The following MAP2K5 variants were observed in gnomAD, a reference collection of about 807,000 sequenced individuals.
The protein encoded by MAP2K5 is dual specificity mitogen-activated protein kinase kinase 5.
Under a neutral mutation model 83.1 loss-of-function variants are expected in MAP2K5, and 49 were observed. The observed-to-expected ratio is 0.59, with a 90% CI of 0.47 to 0.75. The LOEUF is 0.75. MAP2K5 is among the 30% of genes least tolerant of loss of function. The pLI is 0.00. For missense variants in MAP2K5, 457 were observed against 557.5 expected (o/e 0.82, Z 1.82); for synonymous variants, 202 against 191.8 (o/e 1.05, Z -0.44).
chr15:67,751,237 A>T (rs1437344299), intron 19 of MAP2K5, among the ~76,000 whole-genome samples: 1 of 152,136 alleles, frequency 6.6e-6, no homozygotes, highest in Non-Finnish European at 1.5e-5. Context: ...AACTCAGACC[A>T]CAGATCAGGA....
chr15:67,757,493 A>G lies in MAP2K5; in HGVS notation c.1134+8892A>G, dbSNP rs1341362898. 2.0e-5 allele frequency among the ~76,000 whole-genome samples: 3 copies of G among 152,230 alleles called. No individual in the cohort carries two copies. Among genetic ancestry groups the G allele is most frequent in the Non-Finnish European group, 1.5e-5 (1 of 68,036 alleles). Reference sequence around the variant, plus strand: ...CCCCTTTCCCACACACCTGCATAAAAGAACTGAGAGTTCCATAGATTATAG... The same window carrying G: ...CCCCTTTCCCACACACCTGCATAAAGGAACTGAGAGTTCCATAGATTATAG... On this transcript the variant is annotated intron_variant, in intron 19 of 21. Coordinates refer to ENST00000178640, the MANE Select transcript of MAP2K5 (RefSeq NM_145160.3). This position sits in a 1 kb window ranked among gnomAD's most constrained non-coding sequence, Gnocchi z 4.9.
intron 16 of MAP2K5, among the ~76,000 whole-genome samples, chr15:67,707,570 G>C (rs975736654): frequency 1.3e-5 from 2 of 152,084 alleles, no homozygotes; most frequent in Admixed American, 6.5e-5. Flanking sequence ...CTGGAGAGTG[G>C]GGCACACAGA....
chr15:67,612,884 A>G (rs1308049264), intron 8 of MAP2K5, among the ~76,000 whole-genome samples: 2 of 152,210 alleles, frequency 1.3e-5, no homozygotes, highest in African/African-American at 2.4e-5. Context: ...CCAGTGTTCA[A>G]ATTGATTTCA....
chr15:67,776,536 A>G (rs1335013284), intron 21 of MAP2K5, among the ~76,000 whole-genome samples: 3 of 152,210 alleles, frequency 2.0e-5, no homozygotes, highest in African/African-American at 7.2e-5. Flanking sequence ...GATGGTAGAG[A>G]AATTTCCCTT....
rs984834571 is a variant in MAP2K5, at chr15:67,722,149, T to C, written c.1045-5767T>C. Among the ~76,000 whole-genome samples the C allele has an allele frequency of 1.1e-4, 16 of 152,172 alleles. No individual in the cohort carries two copies. Among genetic ancestry groups the C allele is most frequent in the East Asian group, 3.9e-4 (2 of 5,194 alleles). On this transcript the variant is annotated intron_variant, in intron 16 of 21. Coordinates refer to ENST00000178640, the MANE Select transcript of MAP2K5 (RefSeq NM_145160.3). This position sits in a 1 kb window ranked among gnomAD's most constrained non-coding sequence, Gnocchi z 4.2. Reference sequence around the variant, plus strand: ...TCATAGTTCTAGACATGAACAAATATGTCACTTCATCAGTCTCTGTTACTC... The same window carrying C: ...TCATAGTTCTAGACATGAACAAATACGTCACTTCATCAGTCTCTGTTACTC...
chr15:67,564,808 T>C (rs879655828), intron 3 of MAP2K5, among the ~76,000 whole-genome samples: 1 of 152,254 alleles, frequency 6.6e-6, no homozygotes, highest in Non-Finnish European at 1.5e-5. Flanking sequence ...TTTTCTCACA[T>C]ATGTCCATTG....
intron 4 of MAP2K5, 152 bp from the exon 5 acceptor site, chr15:67,585,738 C>T (rs555744517): frequency 7.9e-6 from 5 of 634,866 alleles, no homozygotes; most frequent in Admixed American, 4.7e-5. Context: ...AACCCTGGTT[C>T]ATAATTCCCA....
intron 16 of MAP2K5, among the ~76,000 whole-genome samples, chr15:67,715,605 T>C (rs959340682): frequency 2.6e-5 from 4 of 152,150 alleles, no homozygotes; most frequent in Non-Finnish European, 1.5e-5. Flanking sequence ...CAGCACATAC[T>C]CATATCATGT....
chr15:67,789,195 TTAATGGCTGTATAGTATTCCATACTATG>T (rs1315650775), intron 21 of MAP2K5, among the ~76,000 whole-genome samples: 1 of 152,232 alleles, frequency 6.6e-6, no homozygotes, highest in Non-Finnish European at 1.5e-5. Context: ...AACCTTATTC[TTAATGGCTGTATAGTATTCCATACTATG>T]GATGTATCAT....
intron 19 of MAP2K5, among the ~76,000 whole-genome samples, chr15:67,752,703 AAG>A (rs1184672557): frequency 3.3e-5 from 5 of 151,944 alleles, no homozygotes; most frequent in African/African-American, 1.2e-4. Flanking sequence ...AAAAGAAAGA[AAG>A]AAATGGAAAG....
In MAP2K5 at chr15:67,644,082, C is replaced by A. The variant is rs1262000688; in HGVS notation, c.586-2149C>A. ...AAAATTGTTTTCCACCTATTCTATT[C>A]TCATCACTGCCTTTTAAAAGTAAAA... On this transcript the variant is annotated intron_variant, in intron 9 of 21. Transcript: ENST00000178640. The surrounding 1 kb of genome is among the most constrained non-coding windows in gnomAD (Gnocchi z 4.6). Among the ~76,000 whole-genome samples, 1 of 152,198 alleles carries A rather than the reference C, an allele frequency of 6.6e-6. No homozygotes were observed. Among genetic ancestry groups the A allele is most frequent in the African/African-American group, 2.4e-5 (1 of 41,462 alleles).
At position 67,804,573 on chromosome 15, in the gene MAP2K5, G is replaced by A. The variant is rs913783346; in HGVS notation, c.1243-2073G>A. ...CTGCCTCCCTGCAGTGCGGCCATCC[G>A]CCCTTCTGGAATGTGGAGGAACGCC... On this transcript the variant is annotated intron_variant, in intron 21 of 21. Coordinates refer to ENST00000178640, the MANE Select transcript of MAP2K5 (RefSeq NM_145160.3). Among the ~76,000 whole-genome samples the A allele has an allele frequency of 3.3e-5, 5 of 152,346 alleles. No individual in the cohort carries two copies. In the South Asian group the frequency reaches 6.2e-4, roughly 19 times the overall value.
rs370025354 is a variant in MAP2K5, at chr15:67,755,659, A to G, written c.1134+7058A>G. On this transcript the variant is annotated intron_variant, in intron 19 of 21. Coordinates refer to ENST00000178640, the MANE Select transcript of MAP2K5 (RefSeq NM_145160.3). This position sits in a 1 kb window ranked among gnomAD's most constrained non-coding sequence, Gnocchi z 4.7. ...CCTATTCATAATGATTCTTTTTAGT[A>G]CCACCATAATGATGTGCATATGCCA... Among the ~76,000 whole-genome samples the G allele has an allele frequency of 6.6e-6, 1 of 152,170 alleles. No homozygotes were observed. Among genetic ancestry groups the G allele is most frequent in the East Asian group, 1.9e-4 (1 of 5,202 alleles).
chr15:67,685,096 C>G (rs1279733602), intron 13 of MAP2K5, among the ~76,000 whole-genome samples: 1 of 152,112 alleles, frequency 6.6e-6, no homozygotes, highest in African/African-American at 2.4e-5. Context: ...GTCCACAGAT[C>G]TAAGAACTCA....
At chr15:67,721,084 G>A (rs1347492549) in intron 16 of MAP2K5, among the ~76,000 whole-genome samples, 1 of 152,120 alleles carries the variant, frequency 6.6e-6, no homozygotes, top group African/African-American at 2.4e-5. Context: ...ACTGTAATAA[G>A]CCCATTTCTT....
At chr15:67,554,057 T>G (rs1285385232) in intron 2 of MAP2K5, among the ~76,000 whole-genome samples, 1 of 151,960 alleles carries the variant, frequency 6.6e-6, no homozygotes, top group Non-Finnish European at 1.5e-5. Context: ...ATACTTATAG[T>G]AATACATTTT....
At chr15:67,753,952 C>A (rs562033003) in intron 19 of MAP2K5, among the ~76,000 whole-genome samples, 1 of 152,292 alleles carries the variant, frequency 6.6e-6, no homozygotes, top group South Asian at 2.1e-4. Flanking sequence ...TAGAAAGAAT[C>A]CAGAAGTTCA....
intron 7 of MAP2K5, among the ~76,000 whole-genome samples, chr15:67,600,281 G>A (rs2085625831): frequency 6.6e-6 from 1 of 152,138 alleles, no homozygotes; most frequent in Admixed American, 6.5e-5. Context: ...TACAGATCAT[G>A]CATTAGATTA....
rs924974861 is a variant in MAP2K5, at chr15:67,790,286, C to G, written c.1243-16360C>G. On this transcript the variant is annotated intron_variant, in intron 21 of 21. Transcript: ENST00000178640. The surrounding 1 kb of genome is among the most constrained non-coding windows in gnomAD (Gnocchi z 4.6). ...CCAGCAAGCGTGCAATGCCCCTAGC[C>G]CTAATGTGCCATTAATGATAGGTTA... Among the ~76,000 whole-genome samples the G allele has an allele frequency of 1.3e-5, 2 of 152,078 alleles. No individual in the cohort carries two copies. Among genetic ancestry groups the G allele is most frequent in the Non-Finnish European group, 2.9e-5 (2 of 68,020 alleles).
Sources: gnomAD v4.1 joint callset for allele counts (sites outside exome capture counted in the v4.1 genomes callset) on GRCh38, gnomAD v4.1.1 for gene constraint, Gnocchi (gnomAD v3.1) non-coding constraint, MANE v1.5 for transcripts, NCBI Gene and HGNC (gene_info 2026-07-23, HGNC 2026-07-21) for gene names.